Variants in TVP23A observed in about 807,000 individuals in gnomAD.
TVP23A encodes the protein trans-golgi network vesicle protein 23 homolog A, also known as Golgi apparatus membrane protein TVP23 homolog A.
Under a neutral mutation model 31.7 loss-of-function variants are expected in TVP23A, and 21 were observed. The ratio of observed to expected loss-of-function variants is 0.66; its 90% confidence interval spans 0.47 to 0.95. The LOEUF (loss-of-function observed/expected upper bound fraction) is 0.95, where lower values mean the gene tolerates loss of function less well. TVP23A is among the 40% of genes least tolerant of loss of function. The pLI, the probability that TVP23A is intolerant of heterozygous loss-of-function variation, is 0.00. For missense variants in TVP23A, 279 were observed against 255.6 expected, an observed-to-expected ratio of 1.09 and a Z score of -0.62; for synonymous variants, 104 against 96.0, an observed-to-expected ratio of 1.08 and a Z score of -0.49.
At chr16:10,816,311 C>G (rs1313201326) in intron 2 of TVP23A, among the ~76,000 whole-genome samples, 1 of 138,732 alleles carries the variant, frequency 7.2e-6, no homozygotes, top group Non-Finnish European at 1.5e-5. Flanking sequence ...AGGGACTTTG[C>G]AGATGTAATT....
chr16:10,792,498 G>A (rs942750792), intron 2 of TVP23A, among the ~76,000 whole-genome samples: 1 of 152,210 alleles, frequency 6.6e-6, no homozygotes, highest in Non-Finnish European at 1.5e-5. Flanking sequence ...GCTAGAATCT[G>A]CACTTTAACG....
At chr16:10,775,196 C>G (rs2031922315) in intron 2 of TVP23A, 100 bp from the exon 3 acceptor site, 1 of 1,492,050 alleles carries the variant, frequency 6.7e-7, no homozygotes, top group Non-Finnish European at 8.9e-7. Flanking sequence ...GTTAGCGTGG[C>G]TCAATGGAAT....
intron 2 of TVP23A, among the ~76,000 whole-genome samples, chr16:10,781,850 CTTTTTTTTTTTT>C (rs144933462): frequency 8.8e-5 from 8 of 90,936 alleles, no homozygotes; most frequent in African/African-American, 1.9e-4. Context: ...CTAACACAAT[CTTTTTTTTTTTT>C]TTTTTTTTTT....
At chr16:10,816,862 T>G (rs755401650) in intron 2 of TVP23A, among the ~76,000 whole-genome samples, 2 of 146,562 alleles carry the variant, frequency 1.4e-5, no homozygotes, top group African/African-American at 5.1e-5. Flanking sequence ...ACCCTAAAAC[T>G]TAAAGTACAA....
chr16:10,778,669 A>T (rs2032228502), intron 2 of TVP23A, among the ~76,000 whole-genome samples: 1 of 152,068 alleles, frequency 6.6e-6, no homozygotes, highest in Admixed American at 6.5e-5. Context: ...TGTAAAAAAA[A>T]AAAAAAAGAT....
intron 2 of TVP23A, among the ~76,000 whole-genome samples, chr16:10,778,583 T>G (rs1302801527): frequency 1.3e-5 from 2 of 152,090 alleles, no homozygotes; most frequent in South Asian, 4.2e-4. Flanking sequence ...CGCAAACATA[T>G]TTGTTATGTT....
chr16:10,758,494 C>A (rs538466399), downstream of TVP23A, among the ~76,000 whole-genome samples: 15 of 152,104 alleles, frequency 9.9e-5, no homozygotes, highest in South Asian at 2.9e-3. Context: ...ATAAGAAAAA[C>A]TTCATCTTTG....
intron 2 of TVP23A, among the ~76,000 whole-genome samples, chr16:10,814,524 G>A (rs371573974): frequency 4.6e-5 from 7 of 152,064 alleles, no homozygotes; most frequent in Non-Finnish European, 7.4e-5. Flanking sequence ...GTGCCTCTGG[G>A]CCCCTTTCCT....
rs1227342558 is a variant in TVP23A at position 10,818,170 on chromosome 16, C to T, written c.22G>A (p.Asp8Asn). 8.7e-6 allele frequency: 14 copies of T among 1,606,208 alleles called. No homozygotes were observed. The highest frequency in any genetic ancestry group is 1.1e-5 in the Non-Finnish European group (13 of 1,176,520). ...AAGTCCAGGGACACATCCTCGGTAT[C>T]GTCCACCAGGGCCTGGGAGGAGAGC... Reference protein sequence around the residue: MKQALVDDTEDVSLDFGN... With the variant: MKQALVDNTEDVSLDFGN... The change falls in exon 2 of 8, where the codon GAT becomes AAT. Residue 8 changes from aspartate to asparagine, a missense_variant. Asp to Asn is a conservative substitution (Grantham distance 23, BLOSUM62 1). Transcript: ENST00000299866. This position sits in a 1 kb window ranked among gnomAD's most constrained non-coding sequence, Gnocchi z 4.7.
intron 2 of TVP23A, chr16:10,808,608 T>C (rs1342367212): frequency 2.2e-6 from 1 of 450,522 alleles, no homozygotes; most frequent in African/African-American, 2.0e-5. Flanking sequence ...ACCCGGTCTC[T>C]ACAAAAAATA....
intron 2 of TVP23A, among the ~76,000 whole-genome samples, chr16:10,784,758 T>C (rs1277474496): frequency 2.6e-5 from 4 of 152,094 alleles, no homozygotes; most frequent in Non-Finnish European, 5.9e-5. Flanking sequence ...ATATAAAAAT[T>C]ATATGAACTT....
At position 10,818,103 on chromosome 16, in the gene TVP23A, C is replaced by G; in HGVS notation, c.89G>C (p.Arg30Thr). The G allele has an allele frequency of 6.2e-7, 1 of 1,607,014 alleles. No individual in the cohort carries two copies. Among genetic ancestry groups the G allele is most frequent in the Admixed American group, 1.7e-5 (1 of 59,062 alleles). ...TGACCCAAGCTCCATCCCAACACACCTGATCTTGGCTTTCCTAAAGGCCAG... is the reference window on the plus strand; with the variant it reads ...TGACCCAAGCTCCATCCCAACACACGTGATCTTGGCTTTCCTAAAGGCCAG... ...EELAFRKAKI[R>T]HPLATFFHLF... The change falls in exon 2 of 8, where the codon AGA (arginine) becomes ACA (threonine). Residue 30 changes from arginine (R) to threonine (T), a missense_variant and splice_region_variant. Transcript: ENST00000299866. The surrounding 1 kb of genome is among the most constrained non-coding windows in gnomAD (Gnocchi z 4.7).
intron 2 of TVP23A, among the ~76,000 whole-genome samples, chr16:10,798,742 C>A (rs1170858802): frequency 3.9e-5 from 6 of 152,218 alleles, no homozygotes; most frequent in African/African-American, 7.2e-5. Flanking sequence ...TGGCTCACTG[C>A]AACCTCCACC....
intron 2 of TVP23A, among the ~76,000 whole-genome samples, chr16:10,793,901 CAAAAAAAAAAAAAA>C (rs61392688): frequency 6.4e-4 from 25 of 39,178 alleles, no homozygotes; most frequent in African/African-American, 9.7e-4. Context: ...CCTGTCTCAC[CAAAAAAAAAAAAAA>C]AAAAAAAAAA....
At chr16:10,793,991 G>C (rs2033251004) in intron 2 of TVP23A, among the ~76,000 whole-genome samples, 1 of 150,732 alleles carries the variant, frequency 6.6e-6, no homozygotes, top group East Asian at 1.9e-4. Flanking sequence ...AGCACACTCG[G>C]TATCTGGTGA....
rs769338852 is a variant in TVP23A, at chr16:10,767,958, G to C, written c.*1144C>G. On this transcript the variant is annotated 3_prime_UTR_variant, in exon 8 of 8. Transcript: ENST00000299866. The surrounding 1 kb of genome is among the most constrained non-coding windows in gnomAD (Gnocchi z 4.6). ...TTGTTTCTTTTTTAAGGTAAGAATT[G>C]TGACAAAGGCCAGTCTTTTTTCATT... is the stretch of plus-strand genomic sequence containing the variant. The C allele has an allele frequency of 6.2e-7, 1 of 1,614,102 alleles. No homozygotes were observed. Among genetic ancestry groups the C allele is most frequent in the Non-Finnish European group, 8.5e-7 (1 of 1,179,994 alleles).
In TVP23A at chr16:10,768,031, G is replaced by C. The variant is rs781740389; in HGVS notation, c.*1071C>G. 1.2e-6 allele frequency: 2 copies of C among 1,613,842 alleles called. No individual in the cohort carries two copies. Among genetic ancestry groups the C allele is most frequent in the Non-Finnish European group, 1.7e-6 (2 of 1,179,862 alleles). ...CGTTAGCCTACAGAAGTATAATTCAGAGTAAGTATTTCCATGAGTACTAAA... is the reference window on the plus strand; with the variant it reads ...CGTTAGCCTACAGAAGTATAATTCACAGTAAGTATTTCCATGAGTACTAAA... On this transcript the variant is annotated 3_prime_UTR_variant, in exon 8 of 8. Coordinates refer to ENST00000299866, the MANE Select transcript of TVP23A (RefSeq NM_001079512.4). This position sits in a 1 kb window ranked among gnomAD's most constrained non-coding sequence, Gnocchi z 4.3.
At chr16:10,810,696 C>T (rs1383372437) in intron 2 of TVP23A, among the ~76,000 whole-genome samples, 1 of 152,118 alleles carries the variant, frequency 6.6e-6, no homozygotes, top group African/African-American at 2.4e-5. Flanking sequence ...CTAGGATAGC[C>T]GTCCTCATCT....
At chr16:10,814,509 C>A (rs2034346578) in intron 2 of TVP23A, among the ~76,000 whole-genome samples, 1 of 152,140 alleles carries the variant, frequency 6.6e-6, no homozygotes, top group African/African-American at 2.4e-5. Flanking sequence ...GATTCTACCT[C>A]CCCTGTGCCT....
Sources: allele counts gnomAD v4.1 joint callset (sites outside exome capture counted in the v4.1 genomes callset), GRCh38; gene constraint gnomAD v4.1.1; non-coding constraint Gnocchi (gnomAD v3.1); transcripts MANE v1.5; gene names NCBI Gene and HGNC (gene_info 2026-07-23, HGNC 2026-07-21).